Variants in NHS observed in about 807,000 individuals in gnomAD.
NHS encodes NHS actin remodeling regulator, also known as actin remodeling regulator NHS.
NHS carries 5 observed loss-of-function variants against 72.5 expected under a neutral mutation model. The ratio of observed to expected loss-of-function variants is 0.07; its 90% confidence interval spans 0.04 to 0.14. NHS has a LOEUF of 0.14. Among genes scored for constraint, NHS ranks in the 10% least tolerant of loss-of-function variants. The probability of loss-of-function intolerance (pLI) is 1.00; values close to 1 mark genes in which losing one functional copy is unlikely to be tolerated. For synonymous variants in NHS, 464 were observed against 547.7 expected, an observed-to-expected ratio of 0.85 and a Z score of 2.13; for missense variants, 1,072 against 1,355.7, an observed-to-expected ratio of 0.79 and a Z score of 3.29.
intron 1 of NHS, among the ~76,000 whole-genome samples, chrX:17,486,207 TG>T (rs1263833094): frequency 1.8e-5 from 2 of 111,989 alleles, no homozygotes; most frequent in East Asian, 5.6e-4. Context: ...TTCCTCCTGT[TG>T]TTTCTTTTAA....
chrX:17,402,200 G>A (rs1351353973), intron 1 of NHS, among the ~76,000 whole-genome samples: 1 of 111,932 alleles, frequency 8.9e-6, no homozygotes, highest in Non-Finnish European at 1.9e-5. Flanking sequence ...GTGTTGGTGA[G>A]AATCTGAAGA....
chrX:17,376,009 G>T lies in NHS; in HGVS notation c.252G>T (p.Pro84=). Residue 84 remains proline, a synonymous_variant, in exon 1 of 9, where the codon CCG becomes CCT. Coordinates refer to ENST00000676302, the MANE Select transcript of NHS (RefSeq NM_001291867.2). ...CGCCGGCCGACCAGACTCAGCCGCC[G>T]CACGGAGAGGCGTCCGTGGCTGGCG... ...LPAPADQTQP[P]HGEASVAGEE... is the part of the protein sequence containing the mutation. 1 of 1,082,328 alleles carries T rather than the reference G, an allele frequency of 9.2e-7. No homozygotes were observed. The highest frequency in any genetic ancestry group is 1.2e-6 in the Non-Finnish European group (1 of 836,170). The allele number at this position is 1,082,328 out of a possible 1,213,427, so 89.2% of individuals were successfully genotyped here.
At chrX:17,623,619 T>C (rs1202136125) in intron 1 of NHS, among the ~76,000 whole-genome samples, 2 of 111,480 alleles carry the variant, frequency 1.8e-5, no homozygotes, top group Non-Finnish European at 3.8e-5. Flanking sequence ...AACCACAGGA[T>C]ATAGGTATGA....
chrX:17,681,166 T>A, intron 1 of NHS, among the ~76,000 whole-genome samples: 1 of 111,732 alleles, frequency 8.9e-6, no homozygotes, highest in Non-Finnish European at 1.9e-5. Context: ...CATCTTTGTT[T>A]ATACTTCACT....
At chrX:17,377,635 G>C (rs1452237985) in intron 1 of NHS, among the ~76,000 whole-genome samples, 1 of 113,399 alleles carries the variant, frequency 8.8e-6, no homozygotes, top group East Asian at 2.8e-4. Context: ...GTCCCTGCCC[G>C]CCCGCGTGTT....
At chrX:17,568,529 T>A (rs1163631087) in intron 1 of NHS, among the ~76,000 whole-genome samples, 1 of 109,862 alleles carries the variant, frequency 9.1e-6, no homozygotes, top group African/African-American at 3.3e-5. Context: ...TCTTTTTTTT[T>A]TTTTTGTATT....
intron 1 of NHS, among the ~76,000 whole-genome samples, chrX:17,465,905 C>T (rs1179617130): frequency 8.9e-6 from 1 of 112,851 alleles, no homozygotes; most frequent in Non-Finnish European, 1.9e-5. Flanking sequence ...GGGGAAGCAG[C>T]ATTCTGCCAG....
chrX:17,528,991 CTTCT>C (rs1266702356), intron 1 of NHS, among the ~76,000 whole-genome samples: 1 of 111,106 alleles, frequency 9.0e-6, no homozygotes, highest in Non-Finnish European at 1.9e-5. Flanking sequence ...CCCTCCCTTC[CTTCT>C]TTTTCTTTGT....
intron 1 of NHS, among the ~76,000 whole-genome samples, chrX:17,665,150 T>C (rs2066003860): frequency 9.2e-6 from 1 of 109,027 alleles, no homozygotes; most frequent in Non-Finnish European, 1.9e-5. Context: ...TTCTAGCAGT[T>C]TTTTGTAGAT....
intron 1 of NHS, among the ~76,000 whole-genome samples, chrX:17,418,293 C>A (rs1197684977): frequency 1.8e-5 from 2 of 111,708 alleles, no homozygotes; most frequent in African/African-American, 6.5e-5. Context: ...AGAACTCATT[C>A]ATTCTCTGAA....
chrX:17,693,272 G>A (rs982168201), intron 3 of NHS, among the ~76,000 whole-genome samples: 14 of 111,814 alleles, frequency 1.3e-4, no homozygotes, highest in African/African-American at 4.6e-4. Flanking sequence ...CATCACCGCA[G>A]ATGTGCCTTC....
chrX:17,730,822 C>A (rs1401486811), intron 8 of NHS, among the ~76,000 whole-genome samples: 1 of 112,018 alleles, frequency 8.9e-6, no homozygotes, highest in Non-Finnish European at 1.9e-5. Flanking sequence ...GCTTTAAGAG[C>A]TCCAGAGATG....
intron 1 of NHS, among the ~76,000 whole-genome samples, chrX:17,387,719 C>T (rs1351195955): frequency 8.9e-6 from 1 of 112,444 alleles, no homozygotes; most frequent in Non-Finnish European, 1.9e-5. Context: ...CAAATCCCAG[C>T]TCCACTCCTT....
In NHS at chrX:17,616,125, G is replaced by C. The variant is rs551665361; in HGVS notation, c.566-71617G>C. On this transcript the variant is annotated intron_variant, in intron 1 of 8. Coordinates refer to ENST00000676302, the MANE Select transcript of NHS (RefSeq NM_001291867.2). Reference sequence around the variant, plus strand: ...GCGATATCCCTGTATCAAAGGTAAAGAAAGATTAGCATTTGCTGCTGTAAG... The same window carrying C: ...GCGATATCCCTGTATCAAAGGTAAACAAAGATTAGCATTTGCTGCTGTAAG... Among the ~76,000 whole-genome samples the C allele has an allele frequency of 5.3e-4, 60 of 112,259 alleles. 2 individuals are homozygous for C. The South Asian group carries it at 0.022, about 41-fold the overall frequency.
chrX:17,704,387 G>A (rs966240881), intron 3 of NHS, among the ~76,000 whole-genome samples: 3 of 110,940 alleles, frequency 2.7e-5, no homozygotes, highest in African/African-American at 9.8e-5. Flanking sequence ...TGCAAGCTCT[G>A]CCTCCCGGGT....
At chrX:17,537,908 G>C (rs757401357) in intron 1 of NHS, among the ~76,000 whole-genome samples, 1 of 111,674 alleles carries the variant, frequency 9.0e-6, no homozygotes, top group Non-Finnish European at 1.9e-5. Context: ...TGAGCAGATG[G>C]GGATCAGAGG....
rs1287223456 is a variant in NHS, at chrX:17,726,723, C to A, written c.2617C>A (p.Pro873Thr). 1 of 1,211,908 alleles carries A rather than the reference C, an allele frequency of 8.3e-7. No homozygotes were observed. Among genetic ancestry groups the A allele is most frequent in the Non-Finnish European group, 1.1e-6 (1 of 895,577 alleles). The change falls in exon 7 of 9, where the codon CCA becomes ACA. Residue 873 changes from proline to threonine, a missense_variant. By Grantham distance (38) the Pro-to-Thr change is conservative. Coordinates refer to ENST00000676302, the MANE Select transcript of NHS (RefSeq NM_001291867.2). ...GNADISEKKE[P>T]KISSGQHLPH... Reference sequence around the variant, plus strand: ...CGCAGATATTTCTGAGAAGAAAGAACCAAAGATAAGCAGTGGTCAGCACCT... The same window carrying A: ...CGCAGATATTTCTGAGAAGAAAGAAACAAAGATAAGCAGTGGTCAGCACCT...
chrX:17,411,548 A>T (rs1288062593), intron 1 of NHS, among the ~76,000 whole-genome samples: 2 of 111,977 alleles, frequency 1.8e-5, no homozygotes, highest in Non-Finnish European at 3.8e-5. Flanking sequence ...GACAGTAGTG[A>T]TGCATATTAT....
intron 1 of NHS, among the ~76,000 whole-genome samples, chrX:17,553,574 A>T (rs2065348476): frequency 8.9e-6 from 1 of 111,889 alleles, no homozygotes; most frequent in South Asian, 3.8e-4. Flanking sequence ...CTTATTTTTT[A>T]GCCCTGCCAG....
Sources: allele counts gnomAD v4.1 joint callset (sites outside exome capture counted in the v4.1 genomes callset), GRCh38; gene constraint gnomAD v4.1.1; transcripts MANE v1.5; gene names NCBI Gene and HGNC (gene_info 2026-07-23, HGNC 2026-07-21).